The following CALD1 variants were observed in gnomAD, a reference collection of about 807,000 sequenced individuals.
The protein encoded by CALD1 is caldesmon.
In CALD1, 33 loss-of-function variants were observed where a neutral mutation model predicts 99.9. The ratio of observed to expected loss-of-function variants is 0.33; its 90% CI spans 0.25 to 0.44. CALD1 has a LOEUF of 0.44. Ranked by LOEUF, CALD1 falls within the 20% of genes least tolerant of loss-of-function variation. The pLI, the probability that CALD1 is intolerant of heterozygous loss-of-function variation, is 1.00. For synonymous variants in CALD1, 310 were observed against 325.0 expected, an observed-to-expected ratio of 0.95 and a Z score of 0.50; for missense variants, 861 against 962.1, an observed-to-expected ratio of 0.89 and a Z score of 1.39.
chr7:134,748,684 C>T (rs1055334228), intron 1 of CALD1, among the ~76,000 whole-genome samples: 1 of 151,776 alleles, frequency 6.6e-6, no homozygotes, highest in Non-Finnish European at 1.5e-5. Context: ...GCATTCCAGC[C>T]TGTGCAACAA....
chr7:134,912,191 G>A (rs1803865597), intron 3 of CALD1, among the ~76,000 whole-genome samples: 2 of 152,208 alleles, frequency 1.3e-5, no homozygotes, highest in African/African-American at 4.8e-5. Flanking sequence ...GGTCCTGAGA[G>A]CATCACACAA....
intron 1 of CALD1, among the ~76,000 whole-genome samples, chr7:134,838,902 A>G (rs1799543747): frequency 6.6e-6 from 1 of 152,190 alleles, no homozygotes; most frequent in South Asian, 2.1e-4. Context: ...ATCTTTTTCT[A>G]TTCACATGTT....
intron 1 of CALD1, among the ~76,000 whole-genome samples, chr7:134,808,814 C>T (rs1044948353): frequency 3.3e-5 from 5 of 152,204 alleles, no homozygotes; most frequent in Non-Finnish European, 7.3e-5. Context: ...TAGAGTCCTT[C>T]ATATGCTAAC....
chr7:134,845,113 C>G (rs1336642780), intron 2 of CALD1, among the ~76,000 whole-genome samples: 3 of 152,174 alleles, frequency 2.0e-5, no homozygotes, highest in Non-Finnish European at 2.9e-5. Flanking sequence ...TTAGCGATTA[C>G]ATTACTCTCA....
chr7:134,786,307 T>C (rs2131718363), intron 1 of CALD1, among the ~76,000 whole-genome samples: 1 of 152,378 alleles, frequency 6.6e-6, no homozygotes, highest in African/African-American at 2.4e-5. Flanking sequence ...GATAAAATGC[T>C]AATTTATTTA....
At chr7:134,818,615 A>T (rs142638892) in intron 1 of CALD1, among the ~76,000 whole-genome samples, 2 of 152,320 alleles carry the variant, frequency 1.3e-5, no homozygotes, top group East Asian at 3.9e-4. Flanking sequence ...AGATGAAGCC[A>T]ATTTTTCATA....
At chr7:134,813,237 A>T (rs1798422706) in intron 1 of CALD1, among the ~76,000 whole-genome samples, 1 of 152,226 alleles carries the variant, frequency 6.6e-6, no homozygotes, top group African/African-American at 2.4e-5. Flanking sequence ...GTGAATAGAG[A>T]CAACATTTTC....
rs1340555452 is a variant in CALD1, at chr7:134,947,519, G to T, written c.1544G>T (p.Gly515Val). The T allele has an allele frequency of 1.9e-6, 3 of 1,569,008 alleles. No individual in the cohort carries two copies. The African/African-American group carries it at 4.1e-5, about 21-fold the overall frequency. The change falls in exon 8 of 15, where the codon GGG (glycine) becomes GTG (valine). Residue 515 changes from glycine to valine, a missense_variant. Physicochemically the swap from Gly to Val is moderately radical, Grantham distance 109. This residue lies in a region of CALD1 where 293 missense variants were observed against 262.7 expected (regional missense o/e 1.12). Coordinates refer to ENST00000361675, the MANE Select transcript of CALD1 (RefSeq NM_033138.4). ...HTENTFSRPG[G>V]RASVDTKEAE... is the part of the protein sequence containing the mutation. ...CCCCCCAACCACAGCCGCCCTGGAGGGAGGGCCAGCGTGGACACCAAGGAG... is the reference window on the plus strand; with the variant it reads ...CCCCCCAACCACAGCCGCCCTGGAGTGAGGGCCAGCGTGGACACCAAGGAG...
chr7:134,811,792 C>T (rs1000413003), intron 1 of CALD1, among the ~76,000 whole-genome samples: 5 of 152,178 alleles, frequency 3.3e-5, no homozygotes, highest in East Asian at 1.9e-4. Context: ...TGTTCTACCC[C>T]GATCTGGTTC....
At chr7:134,753,825 G>T (rs7781546) in intron 1 of CALD1, among the ~76,000 whole-genome samples, 110,708 of 152,134 alleles carry the variant, frequency 0.73, 41,752 homozygotes, top group East Asian at 0.99. Flanking sequence ...CCCAGATGCC[G>T]GCTGATCCCT....
chr7:134,837,754 A>G (rs1194851154), intron 1 of CALD1, among the ~76,000 whole-genome samples: 1 of 152,224 alleles, frequency 6.6e-6, no homozygotes, highest in Non-Finnish European at 1.5e-5. Context: ...GCCCATACTC[A>G]TGCAATGCTA....
At chr7:134,790,994 G>A (rs920255278) in intron 1 of CALD1, among the ~76,000 whole-genome samples, 2 of 152,192 alleles carry the variant, frequency 1.3e-5, no homozygotes, top group Admixed American at 1.3e-4. Flanking sequence ...GAAAGTCAAG[G>A]ACTGTATTTC....
At chr7:134,769,329 A>C (rs1027657881) in intron 1 of CALD1, among the ~76,000 whole-genome samples, 19 of 152,296 alleles carry the variant, frequency 1.2e-4, no homozygotes, top group African/African-American at 4.3e-4. Context: ...AGATATTGTC[A>C]AATCACTCAA....
chr7:134,852,062 G>C lies in CALD1; in HGVS notation c.-42+8091G>C, dbSNP rs962751625. Reference sequence around the variant, plus strand: ...CAGAGGAGATGTAGGCCTTGACACTGAGCAGCTTCAGACTTGGTCAAGAGA... The same window carrying C: ...CAGAGGAGATGTAGGCCTTGACACTCAGCAGCTTCAGACTTGGTCAAGAGA... On this transcript the variant is annotated intron_variant, in intron 2 of 14. Transcript: ENST00000361675. Among the ~76,000 whole-genome samples, 20 of 152,184 alleles carry C rather than the reference G, an allele frequency of 1.3e-4. 1 individual carries two copies.
chr7:134,899,367 C>T (rs866925456), intron 3 of CALD1, among the ~76,000 whole-genome samples: 1 of 152,190 alleles, frequency 6.6e-6, no homozygotes, highest in South Asian at 2.1e-4. Flanking sequence ...CCACACCTGG[C>T]TAATTTTCCA....
intron 1 of CALD1, among the ~76,000 whole-genome samples, chr7:134,757,983 C>T (rs930763584): frequency 2.0e-5 from 3 of 152,162 alleles, no homozygotes; most frequent in African/African-American, 7.2e-5. Flanking sequence ...TCTGCACAGG[C>T]ATCTATTTGA....
intron 1 of CALD1, among the ~76,000 whole-genome samples, chr7:134,758,659 C>T (rs1796751437): frequency 6.6e-6 from 1 of 152,244 alleles, no homozygotes; most frequent in South Asian, 2.1e-4. Flanking sequence ...TTCTTTACTC[C>T]AAAGTCTGTT....
At chr7:134,756,227 G>A (rs1255069754) in intron 1 of CALD1, among the ~76,000 whole-genome samples, 8 of 122,142 alleles carry the variant, frequency 6.5e-5, no homozygotes, top group Admixed American at 2.2e-4. Context: ...AGCCTAAATC[G>A]CACCATTGCA....
At chr7:134,928,989 A>G in intron 4 of CALD1, 89 bp downstream of exon 4, 1 of 1,165,172 alleles carries the variant, frequency 8.6e-7, no homozygotes, top group Non-Finnish European at 1.2e-6. Context: ...TTCCTTTCTC[A>G]GCCCAACTCA....
Sources: allele counts gnomAD v4.1 joint callset (sites outside exome capture counted in the v4.1 genomes callset), GRCh38; gene constraint gnomAD v4.1.1; regional missense constraint gnomAD v4.1.1; transcripts MANE v1.5; gene names NCBI Gene and HGNC (gene_info 2026-07-23, HGNC 2026-07-21).